Variants in GALNT10 observed in about 807,000 individuals in gnomAD.
The protein encoded by GALNT10 is GalNAc transferase 10.
In GALNT10, 41 loss-of-function variants were observed where a neutral mutation model predicts 75.0. That is an observed-to-expected ratio of 0.55 (90% CI 0.43 to 0.71). The LOEUF is 0.71. Among genes scored for constraint, GALNT10 ranks in the 30% least tolerant of loss-of-function variants. The pLI, the probability that GALNT10 is intolerant of heterozygous loss-of-function variation, is 0.00. For missense variants in GALNT10, 727 were observed against 818.5 expected (o/e 0.89, Z 1.36); for synonymous variants, 302 against 313.0 (o/e 0.96, Z 0.37).
In GALNT10 at chr5:154,376,612, G is replaced by GCTTC; in HGVS notation, c.754+150_754+151insCTTC. On this transcript the variant is annotated intron_variant, in intron 5 of 11. Coordinates refer to ENST00000297107, the MANE Select transcript of GALNT10 (RefSeq NM_198321.4). This position sits in a 1 kb window ranked among gnomAD's most constrained non-coding sequence, Gnocchi z 4.1. Reference sequence around the variant, plus strand: ...GCCAGGTGCCATGAGGGATTCAGAAGTTCAGGAGTGCTCAAAATTAAAATC... The same window carrying GCTTC: ...GCCAGGTGCCATGAGGGATTCAGAAGCTTCTTCAGGAGTGCTCAAAATTAAAATC... 1 of 565,342 alleles carries GCTTC rather than the reference G, an allele frequency of 1.8e-6. No homozygotes were observed. The allele number at this position is 565,342 out of a possible 1,614,324, so 35.0% of individuals were successfully genotyped here. A position where few individuals can be genotyped will look rare whatever the true frequency, so the allele number is the denominator to read the frequency against.
intron 3 of GALNT10, among the ~76,000 whole-genome samples, chr5:154,313,787 G>A (rs1311253939): frequency 1.3e-5 from 2 of 152,134 alleles, no homozygotes; most frequent in Non-Finnish European, 2.9e-5. Context: ...TGAGGAAAGA[G>A]GCTTACAATC....
chr5:154,400,702 G>A (rs1005685344), intron 7 of GALNT10, among the ~76,000 whole-genome samples: 1 of 152,192 alleles, frequency 6.6e-6, no homozygotes, highest in African/African-American at 2.4e-5. Context: ...GTATAAAAGG[G>A]TGAGAAGCCC....
At chr5:154,404,388 C>T (rs1240596980) in intron 8 of GALNT10, among the ~76,000 whole-genome samples, 177 bp downstream of exon 8, 1 of 152,218 alleles carries the variant, frequency 6.6e-6, no homozygotes, top group African/African-American at 2.4e-5. Context: ...CTTAACCATT[C>T]ATTGCTATGT....
At chr5:154,367,922 A>G (rs916169682) in intron 4 of GALNT10, among the ~76,000 whole-genome samples, 3 of 151,830 alleles carry the variant, frequency 2.0e-5, no homozygotes, top group Non-Finnish European at 2.9e-5. Context: ...TCATTTTTCT[A>G]TTATTCTAGC....
chr5:154,338,663 A>C (rs868513261), intron 4 of GALNT10, among the ~76,000 whole-genome samples: 3 of 152,248 alleles, frequency 2.0e-5, no homozygotes, highest in African/African-American at 7.2e-5. Flanking sequence ...TGAAGTGAAC[A>C]TTTAATCATA....
chr5:154,225,154 G>A lies in GALNT10; in HGVS notation c.159+34129G>A, dbSNP rs189521955. On this transcript the variant is annotated intron_variant, in intron 1 of 11. Coordinates refer to ENST00000297107, the MANE Select transcript of GALNT10 (RefSeq NM_198321.4). Reference sequence around the variant, plus strand: ...GTCACCCAGGCTGGAGTGTAGTGGCGCAATCTCGGCTCACCACAAGCTCCG... The same window carrying A: ...GTCACCCAGGCTGGAGTGTAGTGGCACAATCTCGGCTCACCACAAGCTCCG... 4.1e-3 allele frequency among the ~76,000 whole-genome samples: 610 copies of A among 147,998 alleles called. 4 individuals carry two copies. The highest frequency in any genetic ancestry group is 0.015 in the African/African-American group (593 of 39,808).
intron 1 of GALNT10, among the ~76,000 whole-genome samples, chr5:154,229,739 A>G (rs1247184365): frequency 6.6e-6 from 1 of 152,220 alleles, no homozygotes; most frequent in African/African-American, 2.4e-5. Flanking sequence ...TCTCAAAAAA[A>G]AAAAAGAATC....
intron 1 of GALNT10, among the ~76,000 whole-genome samples, chr5:154,221,143 G>A (rs1561632880): frequency 1.3e-5 from 2 of 152,166 alleles, no homozygotes; most frequent in Non-Finnish European, 2.9e-5. Context: ...TCAGGACACC[G>A]GGAGGTTAAG....
At chr5:154,349,104 A>T (rs975010727) in intron 4 of GALNT10, among the ~76,000 whole-genome samples, 6 of 152,124 alleles carry the variant, frequency 3.9e-5, no homozygotes, top group Non-Finnish European at 5.9e-5. Flanking sequence ...CGAACCCTTT[A>T]TTTATATTAT....
At chr5:154,282,704 T>C (rs775749528) in intron 1 of GALNT10, among the ~76,000 whole-genome samples, 6 of 152,244 alleles carry the variant, frequency 3.9e-5, no homozygotes, top group Non-Finnish European at 7.3e-5. Context: ...CATTTAGTCA[T>C]AGGATAAAGT....
chr5:154,257,920 G>A (rs1039668377), intron 1 of GALNT10, among the ~76,000 whole-genome samples: 31 of 152,038 alleles, frequency 2.0e-4, no homozygotes, highest in Admixed American at 3.3e-4. Context: ...ACCAGAATAC[G>A]CTGTTACAAT....
chr5:154,350,190 A>T (rs1581987093), intron 4 of GALNT10, among the ~76,000 whole-genome samples: 1 of 110,162 alleles, frequency 9.1e-6, no homozygotes, highest in Non-Finnish European at 2.0e-5. Context: ...GCTTTCCTTT[A>T]AAAAAAAAAA....
At chr5:154,229,729 T>A (rs1753118913) in intron 1 of GALNT10, among the ~76,000 whole-genome samples, 1 of 150,630 alleles carries the variant, frequency 6.6e-6, no homozygotes, top group Non-Finnish European at 1.5e-5. Flanking sequence ...TGAGACTCCA[T>A]CTCAAAAAAA....
At chr5:154,299,675 ATCATC>A (rs1240266091) in intron 3 of GALNT10, among the ~76,000 whole-genome samples, 1 of 152,214 alleles carries the variant, frequency 6.6e-6, no homozygotes, top group Non-Finnish European at 1.5e-5. Context: ...CATTACCATG[ATCATC>A]TCTACTTTGT....
At position 154,417,121 on chromosome 5, in the gene GALNT10, G is replaced by C. The variant is rs1452954000; in HGVS notation, c.*149G>C. 3.1e-5 allele frequency: 21 copies of C among 670,868 alleles called. No individual in the cohort carries two copies. In the South Asian group the frequency reaches 3.9e-4, roughly 12 times the overall value. 41.6% of individuals were successfully genotyped at this position (670,868 alleles called of 1,614,324 possible). A position where few individuals can be genotyped will look rare whatever the true frequency, so the allele number is the denominator to read the frequency against. ...AAGAGGGCTCTTGATTCAGGGGCTG[G>C]GGTCTGCCTGGTCCTTGAGCCCCTG... On this transcript the variant is annotated 3_prime_UTR_variant, in exon 12 of 12. Coordinates refer to ENST00000297107, the MANE Select transcript of GALNT10 (RefSeq NM_198321.4).
At chr5:154,258,387 T>G (rs1012916594) in intron 1 of GALNT10, among the ~76,000 whole-genome samples, 1 of 152,208 alleles carries the variant, frequency 6.6e-6, no homozygotes, top group Non-Finnish European at 1.5e-5. Flanking sequence ...ATAGTCAAAC[T>G]TTTTTAAATG....
At chr5:154,257,247 A>C (rs1159043770) in intron 1 of GALNT10, among the ~76,000 whole-genome samples, 1 of 152,216 alleles carries the variant, frequency 6.6e-6, no homozygotes, top group Non-Finnish European at 1.5e-5. Context: ...AGCCAGTTGC[A>C]GAGTCCATTT....
intron 8 of GALNT10, among the ~76,000 whole-genome samples, chr5:154,405,464 G>C (rs577039041): frequency 6.6e-6 from 1 of 152,104 alleles, no homozygotes; most frequent in Non-Finnish European, 1.5e-5. Flanking sequence ...GCGGGGGGTA[G>C]GTTCTAGGTT....
intron 4 of GALNT10, among the ~76,000 whole-genome samples, chr5:154,373,628 A>G (rs1755611263): frequency 6.6e-6 from 1 of 152,174 alleles, no homozygotes. Context: ...AATTGTCATC[A>G]TAATCATCAT....
Sources: allele counts gnomAD v4.1 joint callset (sites outside exome capture counted in the v4.1 genomes callset), GRCh38; gene constraint gnomAD v4.1.1; non-coding constraint Gnocchi (gnomAD v3.1); transcripts MANE v1.5; gene names NCBI Gene and HGNC (gene_info 2026-07-23, HGNC 2026-07-21).